Variants in ZNF69 observed in about 807,000 individuals in gnomAD.
The protein encoded by ZNF69 is zinc finger protein 69.
A neutral mutation model predicts 50.9 loss-of-function variants in ZNF69; 47 were observed. The ratio of observed to expected loss-of-function variants is 0.92; its 90% confidence interval spans 0.73 to 1.18. ZNF69 has a LOEUF of 1.18. Among genes scored for constraint, ZNF69 ranks in the 50% most tolerant of loss-of-function variants. The pLI, the probability that ZNF69 is intolerant of heterozygous loss-of-function variation, is 0.00. For synonymous variants in ZNF69, 216 were observed against 223.1 expected (o/e 0.97, Z 0.29); for missense variants, 717 against 675.1 (o/e 1.06, Z -0.69).
chr19:11,958,340 G>T, the ZNF69 span, among the ~76,000 whole-genome samples: 2 of 152,244 alleles, frequency 1.3e-5, no homozygotes, highest in Non-Finnish European at 1.5e-5. Flanking sequence ...GGCTTTGAGT[G>T]GCATCTGCTG....
At chr19:11,948,247 C>T in the ZNF69 span, 1 of 1,602,408 alleles carries the variant, frequency 6.2e-7, no homozygotes, top group Non-Finnish European at 8.5e-7. Flanking sequence ...TAAACAAACC[C>T]TTCATGATGT....
At chr19:11,939,850 T>A in the ZNF69 span, 1 of 152,228 alleles carries the variant, frequency 6.6e-6, no homozygotes, top group East Asian at 1.9e-4. Context: ...TGAGATAGTT[T>A]GACAAATCTA....
At chr19:11,979,104 T>A in the ZNF69 span, 1 of 1,613,702 alleles carries the variant, frequency 6.2e-7, no homozygotes, top group Non-Finnish European at 8.5e-7. Flanking sequence ...GAGAAAGACC[T>A]TATAAATGTT....
chr19:11,906,732 C>T (rs1972382136), downstream of ZNF69, among the ~76,000 whole-genome samples: 1 of 152,194 alleles, frequency 6.6e-6, no homozygotes, highest in African/African-American at 2.4e-5. Flanking sequence ...GAAACCAGAG[C>T]AGAAAAGCTG....
At chr19:11,948,685 A>C in the ZNF69 span, 7 of 1,612,090 alleles carry the variant, frequency 4.3e-6, no homozygotes, top group South Asian at 4.4e-5. Context: ...TGGGGATGGA[A>C]CTTATAAATG....
chr19:11,967,414 T>G, the ZNF69 span, among the ~76,000 whole-genome samples: 3 of 150,046 alleles, frequency 2.0e-5, no homozygotes, highest in African/African-American at 7.3e-5. Flanking sequence ...CTCTATTTTG[T>G]TTTTTTTTGA....
chr19:11,960,520 C>T, the ZNF69 span, among the ~76,000 whole-genome samples: 1 of 151,862 alleles, frequency 6.6e-6, no homozygotes, highest in Non-Finnish European at 1.5e-5. Context: ...TCTCAAACTC[C>T]TGGGCTCAAT....
At chr19:11,923,628 T>C in the ZNF69 span, among the ~76,000 whole-genome samples, 1 of 152,226 alleles carries the variant, frequency 6.6e-6, no homozygotes, top group African/African-American at 2.4e-5. Context: ...GTCCCTCAGC[T>C]GCCACCTCCA....
chr19:11,965,097 G>A, the ZNF69 span: 4 of 1,437,652 alleles, frequency 2.8e-6, no homozygotes, highest in Non-Finnish European at 3.9e-6. Flanking sequence ...ATCCATCCCC[G>A]AGAGGGACCT....
the ZNF69 span, chr19:11,979,453 A>G: frequency 3.7e-6 from 6 of 1,606,698 alleles, no homozygotes; most frequent in East Asian, 4.5e-5. Flanking sequence ...CTGGAGAAAG[A>G]CCTTATAAAT....
At chr19:11,892,344 T>G (rs279193) in intron 1 of ZNF69, among the ~76,000 whole-genome samples, 56,033 of 151,912 alleles carry the variant, frequency 0.37, 12,235 homozygotes, top group African/African-American at 0.6. Context: ...TTTCTAGCTG[T>G]TTTTTATTTC....
chr19:11,941,984 C>CT, the ZNF69 span, among the ~76,000 whole-genome samples: 1 of 151,592 alleles, frequency 6.6e-6, no homozygotes, highest in African/African-American at 2.4e-5. Flanking sequence ...CTTATTACAC[C>CT]TGGTATCTCT....
intron 1 of ZNF69, among the ~76,000 whole-genome samples, chr19:11,898,385 C>CTTTTTTTTTTT (rs745487579): frequency 1.1e-5 from 1 of 91,874 alleles, no homozygotes; most frequent in Non-Finnish European, 2.1e-5. Context: ...TTCCTCCTGG[C>CTTTTTTTTTTT]TTTTTTTTTT....
In ZNF69 at chr19:11,906,662, A is replaced by G. The variant is rs1972380672; in HGVS notation, c.*564A>G. ...AAACAGAAAGGACAACCACACCAAA[A>G]CCCATCTGTACATCACCATCATCAA... is the stretch of plus-strand genomic sequence containing the variant. On this transcript the variant is annotated 3_prime_UTR_variant, in exon 4 of 4. Coordinates refer to ENST00000429654, the MANE Select transcript of ZNF69 (RefSeq NM_001364730.1). 6.6e-6 allele frequency among the ~76,000 whole-genome samples: 1 copy of G among 152,130 alleles called. No individual in the cohort carries two copies. The highest frequency in any genetic ancestry group is 2.1e-4 in the South Asian group (1 of 4,832).
At chr19:11,910,519 C>T (rs1322919198), downstream of ZNF69, among the ~76,000 whole-genome samples, 1 of 152,140 alleles carries the variant, frequency 6.6e-6, no homozygotes, top group East Asian at 1.9e-4. Flanking sequence ...TAATACCACA[C>T]ATCTACAACC....
the ZNF69 span, chr19:11,979,245 T>G: frequency 3.7e-6 from 6 of 1,612,810 alleles, no homozygotes; most frequent in African/African-American, 2.7e-5. Flanking sequence ...TTCAGTATCA[T>G]GAAAGGACTC....
At chr19:11,950,120 T>C in the ZNF69 span, 65 of 1,613,950 alleles carry the variant, frequency 4.0e-5, no homozygotes, top group Non-Finnish European at 5.3e-5. Flanking sequence ...AGAACACACA[T>C]TGGAGAGAAA....
the ZNF69 span, among the ~76,000 whole-genome samples, chr19:11,943,274 T>C: frequency 6.6e-6 from 1 of 152,242 alleles, no homozygotes; most frequent in Admixed American, 6.5e-5. Context: ...TGATTATTTA[T>C]ATGCAGACAG....
the ZNF69 span, among the ~76,000 whole-genome samples, chr19:11,927,278 C>T: frequency 2.0e-5 from 3 of 151,858 alleles, no homozygotes; most frequent in Admixed American, 6.6e-5. Context: ...CACTTGAACC[C>T]CAGAGGCAGA....
Sources: gnomAD v4.1 joint callset for allele counts (sites outside exome capture counted in the v4.1 genomes callset) on GRCh38, gnomAD v4.1.1 for gene constraint, MANE v1.5 for transcripts, NCBI Gene and HGNC (gene_info 2026-07-23, HGNC 2026-07-21) for gene names.